The following DGKB variants were observed in gnomAD, a reference collection of about 807,000 sequenced individuals.
DGKB encodes the protein 90 kDa diacylglycerol kinase.
Under a neutral mutation model 114.3 loss-of-function variants are expected in DGKB, and 67 were observed. The ratio of observed to expected loss-of-function variants is 0.59; its 90% CI spans 0.48 to 0.72. The LOEUF is 0.72. Ranked by LOEUF, DGKB falls within the 30% of genes least tolerant of loss-of-function variation. DGKB has a pLI of 0.00. For missense variants in DGKB, 907 were observed against 975.2 expected, an observed-to-expected ratio of 0.93 and a Z score of 0.93; for synonymous variants, 398 against 323.1, an observed-to-expected ratio of 1.23 and a Z score of -2.49.
intron 17 of DGKB, among the ~76,000 whole-genome samples, chr7:14,584,512 CTTT>C (rs990515095): frequency 6.6e-6 from 1 of 152,028 alleles, no homozygotes; most frequent in African/African-American, 2.4e-5. Flanking sequence ...AAGCCAATGT[CTTT>C]TTATTTGTTG....
intron 17 of DGKB, among the ~76,000 whole-genome samples, chr7:14,584,055 G>A (rs758314968): frequency 2.6e-5 from 4 of 151,964 alleles, no homozygotes; most frequent in Non-Finnish European, 5.9e-5. Context: ...TTTTCAACAC[G>A]AATAAAACTG....
chr7:14,186,519 T>G (rs1202544600), intron 23 of DGKB, among the ~76,000 whole-genome samples: 3 of 152,152 alleles, frequency 2.0e-5, no homozygotes, highest in Non-Finnish European at 4.4e-5. Context: ...CTCTACTGGG[T>G]GTCTACACAA....
At chr7:14,286,133 A>G (rs1221174007) in intron 23 of DGKB, among the ~76,000 whole-genome samples, 2 of 152,082 alleles carry the variant, frequency 1.3e-5, no homozygotes. Context: ...ATTCTCCTCA[A>G]CCAGCGGCTG....
chr7:14,928,243 C>G (rs1048504960), intron 1 of DGKB, among the ~76,000 whole-genome samples: 1 of 151,990 alleles, frequency 6.6e-6, no homozygotes, highest in South Asian at 2.1e-4. Flanking sequence ...TTATAGAAAT[C>G]TATTTAGTTG....
intron 2 of DGKB, among the ~76,000 whole-genome samples, chr7:14,810,963 A>C (rs908706464): frequency 1.3e-5 from 2 of 152,066 alleles, no homozygotes; most frequent in African/African-American, 4.8e-5. Flanking sequence ...GGACATTTCA[A>C]TTTGGAGTAG....
chr7:14,900,202 C>T (rs1782790545), intron 1 of DGKB, among the ~76,000 whole-genome samples: 1 of 152,126 alleles, frequency 6.6e-6, no homozygotes, highest in Non-Finnish European at 1.5e-5. Flanking sequence ...AAGATATTGA[C>T]TATGGTATTG....
chr7:14,470,908 A>T (rs936545409), intron 21 of DGKB, among the ~76,000 whole-genome samples: 1 of 151,480 alleles, frequency 6.6e-6, no homozygotes, highest in Non-Finnish European at 1.5e-5. Flanking sequence ...TCACAGAAAT[A>T]ATTTCTCAAT....
intron 17 of DGKB, among the ~76,000 whole-genome samples, chr7:14,599,416 C>G (rs1171344718): frequency 6.6e-6 from 1 of 152,118 alleles, no homozygotes; most frequent in Non-Finnish European, 1.5e-5. Flanking sequence ...TAATGTTTCC[C>G]AAACTTACAC....
chr7:14,176,791 G>T (rs753402303), intron 25 of DGKB, 48 bp downstream of exon 25: 1 of 1,575,990 alleles, frequency 6.3e-7, no homozygotes, highest in Admixed American at 1.8e-5. Flanking sequence ...AGTCAAAGAG[G>T]AAAGCAAAAC....
intron 1 of DGKB, among the ~76,000 whole-genome samples, chr7:14,895,549 T>G (rs749675225): frequency 6.6e-6 from 1 of 151,618 alleles, no homozygotes; most frequent in African/African-American, 2.4e-5. Context: ...CAGCAAATCA[T>G]GGACTTGTTT....
intron 25 of DGKB, among the ~76,000 whole-genome samples, chr7:14,166,430 G>A (rs1355120778): frequency 1.3e-5 from 2 of 152,116 alleles, no homozygotes; most frequent in Non-Finnish European, 1.5e-5. Flanking sequence ...ATGAAAATGG[G>A]GAATAATCTA....
chr7:14,725,351 T>C (rs1279369484), intron 5 of DGKB, among the ~76,000 whole-genome samples: 1 of 152,112 alleles, frequency 6.6e-6, no homozygotes, highest in Non-Finnish European at 1.5e-5. Context: ...AGATGGATAA[T>C]TGAAAGTTAT....
intron 2 of DGKB, among the ~76,000 whole-genome samples, chr7:14,804,018 C>G (rs1318952400): frequency 4.6e-5 from 7 of 151,818 alleles, no homozygotes; most frequent in South Asian, 2.1e-4. Flanking sequence ...TTATACCACT[C>G]AATAACTCAT....
At chr7:14,574,398 G>A in intron 19 of DGKB, 26 bp from the exon 20 acceptor site, 1 of 1,589,838 alleles carries the variant, frequency 6.3e-7, no homozygotes, top group Non-Finnish European at 8.6e-7. Flanking sequence ...AATACCTTGA[G>A]AAAAGAACTC....
At chr7:14,740,790 C>A (rs1832472297) in intron 4 of DGKB, among the ~76,000 whole-genome samples, 1 of 152,050 alleles carries the variant, frequency 6.6e-6, no homozygotes, top group Admixed American at 6.6e-5. Context: ...GCGGATAATC[C>A]CACCCCCTAG....
chr7:14,585,051 A>C (rs140535807), intron 17 of DGKB, among the ~76,000 whole-genome samples: 2 of 152,308 alleles, frequency 1.3e-5, no homozygotes, highest in East Asian at 3.9e-4. Context: ...TTGTCAAGGT[A>C]ATACCAACAC....
At chr7:14,642,428 G>A (rs2128876733) in intron 13 of DGKB, among the ~76,000 whole-genome samples, 1 of 152,094 alleles carries the variant, frequency 6.6e-6, no homozygotes, top group East Asian at 1.9e-4. Flanking sequence ...AAAGGCACTT[G>A]GGTCATAAAC....
intron 20 of DGKB, among the ~76,000 whole-genome samples, chr7:14,522,437 G>A (rs1433833572): frequency 3.9e-5 from 6 of 152,112 alleles, no homozygotes; most frequent in African/African-American, 1.4e-4. Flanking sequence ...CTGATGCACT[G>A]AATGCACCAT....
chr7:14,729,329 A>C (rs924029024), intron 5 of DGKB, among the ~76,000 whole-genome samples: 2 of 151,022 alleles, frequency 1.3e-5, no homozygotes, highest in East Asian at 2.0e-4. Flanking sequence ...TCACCGTGTT[A>C]GCCAGGATGG....
Sources: allele counts gnomAD v4.1 joint callset (sites outside exome capture counted in the v4.1 genomes callset), GRCh38; gene constraint gnomAD v4.1.1; transcripts MANE v1.5; gene names NCBI Gene and HGNC (gene_info 2026-07-23, HGNC 2026-07-21).